Variants in ANO2 observed in about 807,000 individuals in gnomAD.
ANO2 encodes anoctamin-2.
ANO2 carries 101 observed loss-of-function variants against 124.2 expected under a neutral mutation model. The ratio of observed to expected loss-of-function variants is 0.81; its 90% confidence interval spans 0.69 to 0.96. The LOEUF (loss-of-function observed/expected upper bound fraction) is 0.96, where lower values mean the gene tolerates loss of function less well. Among genes scored for constraint, ANO2 ranks in the 40% least tolerant of loss-of-function variants. The probability of loss-of-function intolerance (pLI) is 0.00; values close to 1 mark genes in which losing one functional copy is unlikely to be tolerated. For synonymous variants in ANO2, 486 were observed against 482.5 expected (o/e 1.01, Z -0.09); for missense variants, 1,293 against 1,274.5 (o/e 1.01, Z -0.22).
intron 3 of ANO2, among the ~76,000 whole-genome samples, chr12:5,871,824 C>A (rs550641427): frequency 1.3e-5 from 2 of 152,278 alleles, no homozygotes; most frequent in East Asian, 3.9e-4. Flanking sequence ...CAGAAACCTA[C>A]TGGTGGGGAG....
At chr12:5,893,471 T>G (rs1040659443) in intron 3 of ANO2, among the ~76,000 whole-genome samples, 1 of 149,718 alleles carries the variant, frequency 6.7e-6, no homozygotes, top group Admixed American at 6.6e-5. Context: ...TTGTATGTAG[T>G]TTTTTTTCCC....
At chr12:5,671,760 C>T (rs2361592) in intron 14 of ANO2, among the ~76,000 whole-genome samples, 18,119 of 152,228 alleles carry the variant, frequency 0.12, 1,170 homozygotes, top group Middle Eastern at 0.2. Flanking sequence ...GAGATATACT[C>T]AGCCATTTTC....
At chr12:5,835,068 A>T (rs534807449) in intron 4 of ANO2, among the ~76,000 whole-genome samples, 1 of 152,322 alleles carries the variant, frequency 6.6e-6, no homozygotes, top group South Asian at 2.1e-4. Flanking sequence ...CATTTTATAT[A>T]TAAGTTTTAT....
chr12:5,877,977 G>A (rs144880135), intron 3 of ANO2, among the ~76,000 whole-genome samples: 96 of 152,312 alleles, frequency 6.3e-4, no homozygotes, highest in African/African-American at 2.1e-3. Context: ...CTCCACTACC[G>A]GCCCACGGCC....
At chr12:5,622,918 C>T (rs1031335764) in intron 16 of ANO2, among the ~76,000 whole-genome samples, 35 of 148,252 alleles carry the variant, frequency 2.4e-4, no homozygotes, top group Middle Eastern at 3.5e-3. Context: ...GAGCTGAGAT[C>T]GTGCCACCGC....
intron 15 of ANO2, among the ~76,000 whole-genome samples, chr12:5,643,965 C>T (rs1481063108): frequency 1.3e-5 from 2 of 152,150 alleles, no homozygotes; most frequent in Non-Finnish European, 2.9e-5. Context: ...TTATCCCATT[C>T]TGATAATTTG....
chr12:5,631,601 G>A (rs1380756158), intron 16 of ANO2, among the ~76,000 whole-genome samples: 1 of 152,222 alleles, frequency 6.6e-6, no homozygotes, highest in Non-Finnish European at 1.5e-5. Context: ...CCCAGAAACA[G>A]AGGGTGTGTG....
At chr12:5,578,253 A>G in intron 21 of ANO2, 113 bp downstream of exon 21, 1 of 1,449,194 alleles carries the variant, frequency 6.9e-7, no homozygotes, top group Non-Finnish European at 9.4e-7. Context: ...AGGGACCCAA[A>G]GGGAAGAGGG....
intron 13 of ANO2, among the ~76,000 whole-genome samples, chr12:5,736,646 C>T (rs1057090227): frequency 6.6e-6 from 1 of 152,136 alleles, no homozygotes; most frequent in Admixed American, 6.5e-5. Context: ...TCAAGTCATT[C>T]GTACCTTGTT....
Position 5,830,301 on chromosome 12 carries a change from C to T in ANO2, c.840+134G>A, listed in dbSNP as rs994588881. ...TGGGGAATGGGGAAGCTCTTGCATA[C>T]TCTTCTCTGTTGCTAGGCAACTCCA... On this transcript the variant is annotated intron_variant, in intron 6 of 24. Coordinates refer to ENST00000682330, the MANE Select transcript of ANO2 (RefSeq NM_001364791.2). 1.2e-5 allele frequency: 10 copies of T among 857,722 alleles called. 1 individual carries two copies. The highest frequency in any genetic ancestry group is 1.8e-5 in the Non-Finnish European group (10 of 554,664). The allele number at this position is 857,722 out of a possible 1,614,324, so 53.1% of individuals were successfully genotyped here. A position where few individuals can be genotyped will look rare whatever the true frequency, so the allele number is the denominator to read the frequency against.
chr12:5,619,179 G>A (rs1168876682), intron 16 of ANO2, among the ~76,000 whole-genome samples: 1 of 152,142 alleles, frequency 6.6e-6, no homozygotes, highest in Admixed American at 6.5e-5. Context: ...CCAATGTAGG[G>A]GTCTCTGTAT....
intron 1 of ANO2, among the ~76,000 whole-genome samples, chr12:5,928,407 C>A (rs1281965652): frequency 1.0e-5 from 1 of 99,764 alleles, no homozygotes; most frequent in Admixed American, 1.1e-4. Context: ...TTTCCTTCCT[C>A]ACTAGTCTAC....
At chr12:5,928,045 C>G (rs527528024) in intron 1 of ANO2, among the ~76,000 whole-genome samples, 9 of 152,198 alleles carry the variant, frequency 5.9e-5, no homozygotes, top group African/African-American at 2.2e-4. Flanking sequence ...CCAGATTGTG[C>G]AGAGAAAGGG....
At chr12:5,861,758 C>G (rs1955277744) in intron 3 of ANO2, among the ~76,000 whole-genome samples, 1 of 152,152 alleles carries the variant, frequency 6.6e-6, no homozygotes, top group Non-Finnish European at 1.5e-5. Flanking sequence ...CCCTTGGACT[C>G]CCCTAAGACA....
At chr12:5,788,158 A>T (rs1199746972) in intron 10 of ANO2, among the ~76,000 whole-genome samples, 2 of 152,178 alleles carry the variant, frequency 1.3e-5, no homozygotes, top group Non-Finnish European at 2.9e-5. Flanking sequence ...TGTTGAATCT[A>T]AGCAAAATGT....
chr12:5,826,038 T>C (rs567263558), intron 7 of ANO2, among the ~76,000 whole-genome samples: 1 of 152,374 alleles, frequency 6.6e-6, no homozygotes, highest in South Asian at 2.1e-4. Flanking sequence ...AAAACATGTT[T>C]GTGCATGTAT....
At chr12:5,703,433 T>C (rs1346486028) in intron 14 of ANO2, among the ~76,000 whole-genome samples, 1 of 152,234 alleles carries the variant, frequency 6.6e-6, no homozygotes, top group East Asian at 1.9e-4. Flanking sequence ...GCTTCAATTA[T>C]ATTTGTAACG....
chr12:5,880,928 T>C (rs558149722), intron 3 of ANO2, among the ~76,000 whole-genome samples: 2 of 150,718 alleles, frequency 1.3e-5, no homozygotes, highest in South Asian at 4.3e-4. Flanking sequence ...GATGAGTGGA[T>C]TGAGGGGTGG....
At chr12:5,633,744 T>C (rs7972926) in intron 16 of ANO2, among the ~76,000 whole-genome samples, 85,694 of 152,040 alleles carry the variant, frequency 0.56, 27,449 homozygotes, top group East Asian at 0.81. Flanking sequence ...GCTCAGCTCC[T>C]GTTCCACTGG....
Sources: allele counts gnomAD v4.1 joint callset (sites outside exome capture counted in the v4.1 genomes callset), GRCh38; gene constraint gnomAD v4.1.1; transcripts MANE v1.5; gene names NCBI Gene and HGNC (gene_info 2026-07-23, HGNC 2026-07-21).